The following ATP6V0A4 variants were observed in gnomAD, a reference collection of about 807,000 sequenced individuals.
ATP6V0A4 encodes ATPase H+ transporting V0 subunit a4.
ATP6V0A4 carries 86 observed loss-of-function variants against 107.3 expected under a neutral mutation model. The ratio of observed to expected loss-of-function variants is 0.80; its 90% confidence interval spans 0.67 to 0.96. The LOEUF is 0.96. ATP6V0A4 is among the 40% of genes least tolerant of loss of function. The pLI is 0.00. For missense variants in ATP6V0A4, 908 were observed against 1,045.6 expected, an observed-to-expected ratio of 0.87 and a Z score of 1.81; for synonymous variants, 353 against 381.4, an observed-to-expected ratio of 0.93 and a Z score of 0.87.
chr7:138,734,501 CAG>C (rs1352682131), intron 15 of ATP6V0A4, among the ~76,000 whole-genome samples: 3 of 152,014 alleles, frequency 2.0e-5, no homozygotes, highest in Admixed American at 2.0e-4. Context: ...TGGAAGGAAA[CAG>C]GGGAGAAAAA....
intron 5 of ATP6V0A4, among the ~76,000 whole-genome samples, chr7:138,763,422 G>A (rs1415927253): frequency 3.9e-5 from 6 of 152,062 alleles, no homozygotes; most frequent in Admixed American, 6.5e-5. Context: ...GAGGTCAAGC[G>A]TTCAAGACCA....
At chr7:138,793,581 T>A (rs771462377) in intron 1 of ATP6V0A4, among the ~76,000 whole-genome samples, 12 of 152,142 alleles carry the variant, frequency 7.9e-5, no homozygotes, top group Non-Finnish European at 1.8e-4. Context: ...ACCCCACAAC[T>A]GCATGACACA....
chr7:138,774,639 T>TTATATATTATATATTATATAC, intron 2 of ATP6V0A4, among the ~76,000 whole-genome samples: 1 of 137,620 alleles, frequency 7.3e-6, no homozygotes, highest in East Asian at 2.0e-4. Context: ...ACATTATATA[T>TTATATATTATATATTATATAC]ATTATATACA....
At chr7:138,715,350 G>A (rs1396257911) in intron 20 of ATP6V0A4, among the ~76,000 whole-genome samples, 4 of 152,082 alleles carry the variant, frequency 2.6e-5, no homozygotes, top group African/African-American at 4.8e-5. Context: ...ACAGGCACCC[G>A]CCACCATGCC....
intron 11 of ATP6V0A4, 80 bp from the exon 12 acceptor site, chr7:138,749,397 G>A (rs1462803094): frequency 1.9e-6 from 3 of 1,543,204 alleles, no homozygotes; most frequent in African/African-American, 1.4e-5. Flanking sequence ...CACAGTCCCA[G>A]CTCCTGCCGT....
chr7:138,730,347 T>TGTGA (rs1256757157), intron 17 of ATP6V0A4, among the ~76,000 whole-genome samples: 2 of 114,092 alleles, frequency 1.8e-5, no homozygotes, highest in African/African-American at 9.9e-5. Flanking sequence ...GATGAGTGTG[T>TGTGA]GTGTGTGTGT....
At chr7:138,719,393 CA>C (rs568296758) in intron 19 of ATP6V0A4, among the ~76,000 whole-genome samples, 21 of 152,250 alleles carry the variant, frequency 1.4e-4, no homozygotes, top group Admixed American at 6.5e-4. Flanking sequence ...GGTCTGGCCA[CA>C]CCAGAAAGAC....
At chr7:138,726,428 A>T (rs1804729579) in intron 18 of ATP6V0A4, among the ~76,000 whole-genome samples, 1 of 152,214 alleles carries the variant, frequency 6.6e-6, no homozygotes, top group Non-Finnish European at 1.5e-5. Context: ...GGGCTCTCGG[A>T]AGGAGATGTG....
At chr7:138,752,988 G>C in intron 10 of ATP6V0A4, 151 bp from the exon 11 acceptor site, 1 of 1,429,798 alleles carries the variant, frequency 7.0e-7, no homozygotes, top group Non-Finnish European at 9.4e-7. Flanking sequence ...GAACTCTCCT[G>C]AGCAGTTTAT....
chr7:138,709,125 C>G (rs952888876), intron 21 of ATP6V0A4, among the ~76,000 whole-genome samples: 4 of 150,764 alleles, frequency 2.7e-5, no homozygotes, highest in Non-Finnish European at 4.4e-5. Flanking sequence ...AGGAGAATCG[C>G]CTGAACCCGG....
intron 3 of ATP6V0A4, 106 bp downstream of exon 3, chr7:138,771,025 T>C: frequency 8.8e-7 from 1 of 1,134,838 alleles, no homozygotes; most frequent in African/African-American, 1.5e-5. Flanking sequence ...AGCTCACGGC[T>C]CCTCTCCCTA....
chr7:138,748,522 T>A (rs1441700149), intron 12 of ATP6V0A4, among the ~76,000 whole-genome samples: 1 of 152,198 alleles, frequency 6.6e-6, no homozygotes, highest in African/African-American at 2.4e-5. Flanking sequence ...TTCTCCTGCC[T>A]CTGCCTCCTG....
chr7:138,752,536 G>A, intron 11 of ATP6V0A4, 89 bp downstream of exon 11: 5 of 1,520,844 alleles, frequency 3.3e-6, no homozygotes, highest in Non-Finnish European at 3.6e-6. Context: ...AGTCACTTGA[G>A]TTCATGTGGC....
chr7:138,762,274 C>T (rs536023534), intron 7 of ATP6V0A4, 66 bp downstream of exon 7: 22 of 1,563,504 alleles, frequency 1.4e-5, no homozygotes, highest in Non-Finnish European at 1.9e-5. Context: ...TTCACCCGTT[C>T]ATTCACTCAC....
At chr7:138,765,495 G>T (rs191118664) in intron 5 of ATP6V0A4, among the ~76,000 whole-genome samples, 1 of 152,296 alleles carries the variant, frequency 6.6e-6, no homozygotes, top group East Asian at 1.9e-4. Flanking sequence ...TGAGGGGATG[G>T]TGGTTTTTTC....
chr7:138,735,973 CAG>C (rs2117247227), intron 15 of ATP6V0A4, among the ~76,000 whole-genome samples: 1 of 112,732 alleles, frequency 8.9e-6, no homozygotes, highest in African/African-American at 3.3e-5. Context: ...GAGGCAGAGG[CAG>C]AAGAATCACT....
intron 1 of ATP6V0A4, among the ~76,000 whole-genome samples, chr7:138,789,968 C>CAA (rs34413519): frequency 4.9e-4 from 62 of 126,734 alleles, no homozygotes; most frequent in African/African-American, 1.2e-3. Flanking sequence ...GACTCTGTCT[C>CAA]AAAAAAAAAA....
intron 11 of ATP6V0A4, among the ~76,000 whole-genome samples, chr7:138,750,648 T>C (rs1806175647): frequency 6.6e-6 from 1 of 152,188 alleles, no homozygotes; most frequent in Admixed American, 6.5e-5. Context: ...GCTTCAATCC[T>C]CCTCTGCTTT....
At chr7:138,797,903 A>G (rs1808760232) in intron 1 of ATP6V0A4, 131 bp downstream of exon 1, 1 of 1,334,510 alleles carries the variant, frequency 7.5e-7, no homozygotes, top group Non-Finnish European at 1.0e-6. Flanking sequence ...CTTCCCTTCT[A>G]GAGAGGTGAG....
Sources: gnomAD v4.1 joint callset for allele counts (sites outside exome capture counted in the v4.1 genomes callset) on GRCh38, gnomAD v4.1.1 for gene constraint, MANE v1.5 for transcripts, NCBI Gene and HGNC (gene_info 2026-07-23, HGNC 2026-07-21) for gene names.